The following CORO7 variants were observed in gnomAD, a reference collection of about 807,000 sequenced individuals.
CORO7 encodes coronin 7.
In CORO7, 107 loss-of-function variants were observed where a neutral mutation model predicts 126.6. That is an observed-to-expected ratio of 0.85 (90% CI 0.72 to 0.99). CORO7 has a LOEUF of 0.99. Among genes scored for constraint, CORO7 ranks in the 50% least tolerant of loss-of-function variants. The pLI, the probability that CORO7 is intolerant of heterozygous loss-of-function variation, is 0.00. For missense variants in CORO7, 1,314 were observed against 1,255.8 expected, an observed-to-expected ratio of 1.05 and a Z score of -0.70; for synonymous variants, 603 against 536.8, an observed-to-expected ratio of 1.12 and a Z score of -1.70.
At chr16:4,391,571 AAAC>A (rs1218496334) in intron 7 of CORO7, among the ~76,000 whole-genome samples, 1 of 152,084 alleles carries the variant, frequency 6.6e-6, no homozygotes, top group Admixed American at 6.5e-5. Flanking sequence ...ACAAACAAAC[AAAC>A]AACCCAACTA....
chr16:4,399,155 G>C (rs1279196880), intron 6 of CORO7, among the ~76,000 whole-genome samples: 1 of 152,144 alleles, frequency 6.6e-6, no homozygotes, highest in Non-Finnish European at 1.5e-5. Flanking sequence ...CAAAAGAACT[G>C]AAAGCAGGCC....
intron 3 of CORO7, 121 bp downstream of exon 3, chr16:4,412,234 AC>A (rs993505201): frequency 9.6e-7 from 1 of 1,041,002 alleles, no homozygotes; most frequent in African/African-American, 1.6e-5. Context: ...GAGTGCACAG[AC>A]AGGGCGACAG....
At chr16:4,414,174 G>C (rs1438645262) in intron 1 of CORO7, 1 of 141,276 alleles carries the variant, frequency 7.1e-6, no homozygotes, top group African/African-American at 2.6e-5. Context: ...CTGGGCAACA[G>C]AGCGAGACTC....
chr16:4,401,330 G>A (rs557486522), intron 6 of CORO7, among the ~76,000 whole-genome samples: 27 of 152,230 alleles, frequency 1.8e-4, no homozygotes, highest in African/African-American at 2.7e-4. Context: ...GTGGGCACAC[G>A]CATGGCTGGC....
chr16:4,394,393 G>T (rs112808159), intron 7 of CORO7, among the ~76,000 whole-genome samples: 1 of 150,790 alleles, frequency 6.6e-6, no homozygotes, highest in African/African-American at 2.4e-5. Context: ...AACTTGCAGT[G>T]AGCCGAGATC....
At chr16:4,374,057 G>A (rs1475740259) in intron 9 of CORO7, among the ~76,000 whole-genome samples, 5 of 152,126 alleles carry the variant, frequency 3.3e-5, no homozygotes, top group Non-Finnish European at 7.4e-5. Flanking sequence ...TGGAATTTGC[G>A]TGAGTTCTTG....
At position 4,362,211 on chromosome 16, in the gene CORO7, C is replaced by T. The variant is rs763679058; in HGVS notation, c.1403-51G>A. 68 of 1,559,216 alleles carry T rather than the reference C, an allele frequency of 4.4e-5. No homozygotes were observed. Among genetic ancestry groups the T allele is most frequent in the African/African-American group, 1.6e-4 (12 of 73,218 alleles). The stretch of plus-strand genomic sequence containing the variant: ...CACGTGTGAGGATGCCGTCCCCGCC[C>T]GCCCTGCACTCTTTGAGTCCCGGCT... On this transcript the variant is annotated intron_variant, in intron 15 of 27. Coordinates refer to ENST00000251166, the MANE Select transcript of CORO7 (RefSeq NM_024535.5). The surrounding 1 kb of genome is among the most constrained non-coding windows in gnomAD (Gnocchi z 5.3).
Position 4,388,532 on chromosome 16 carries a change from A to G in CORO7, c.702+13T>C. ...CCTGGCCGTGCCCTGCTCCTCCAGG[A>G]GGAACCCCCTACCTGGTTGAATCCA... On this transcript the variant is annotated intron_variant, in intron 8 of 27. Transcript: ENST00000251166. The G allele has an allele frequency of 1.2e-6, 2 of 1,610,188 alleles. No homozygotes were observed. Among genetic ancestry groups the G allele is most frequent in the Non-Finnish European group, 1.7e-6 (2 of 1,178,840 alleles).
intron 9 of CORO7, 164 bp downstream of exon 9, chr16:4,387,822 G>T: frequency 1.2e-6 from 1 of 817,202 alleles, no homozygotes; most frequent in Non-Finnish European, 1.9e-6. Flanking sequence ...GAAGCTCCGG[G>T]GGTACAGGGC....
At chr16:4,407,714 G>A (rs767003398) in intron 4 of CORO7, 30 bp from the exon 5 acceptor site, 2 of 1,537,520 alleles carry the variant, frequency 1.3e-6, no homozygotes, top group African/African-American at 2.8e-5. Flanking sequence ...CGTGAGCACA[G>A]GGCTGAGGGC....
At chr16:4,392,934 G>T (rs1210749553) in intron 7 of CORO7, among the ~76,000 whole-genome samples, 1 of 152,208 alleles carries the variant, frequency 6.6e-6, no homozygotes, top group African/African-American at 2.4e-5. Context: ...AAGCCCCGCA[G>T]GGGGGCTCCC....
intron 6 of CORO7, among the ~76,000 whole-genome samples, chr16:4,400,396 G>A (rs1048847356): frequency 5.9e-5 from 9 of 152,308 alleles, no homozygotes; most frequent in African/African-American, 2.2e-4. Flanking sequence ...CACTTTGGGA[G>A]GCCGAGGTGG....
intron 2 of CORO7, chr16:4,412,696 G>T: frequency 2.0e-6 from 1 of 493,920 alleles, no homozygotes; most frequent in Non-Finnish European, 3.6e-6. Context: ...AAAGGGGCGT[G>T]GGGCTTTCGT....
chr16:4,416,132 A>T (rs1312192418), intron 1 of CORO7, among the ~76,000 whole-genome samples: 2 of 151,934 alleles, frequency 1.3e-5, no homozygotes, highest in Non-Finnish European at 2.9e-5. Context: ...GGCCGACCGG[A>T]AGCTGGGAAG....
chr16:4,381,465 G>T (rs565386785), intron 9 of CORO7: 51 of 1,579,158 alleles, frequency 3.2e-5, no homozygotes, highest in Non-Finnish European at 4.1e-5. Context: ...ACGTGGAGGC[G>T]CTGCGGCTGG....
chr16:4,364,911 C>G lies in CORO7; in HGVS notation c.908G>C (p.Cys303Ser). 1.9e-6 allele frequency: 3 copies of G among 1,610,348 alleles called. No individual in the cohort carries two copies. The highest frequency in any genetic ancestry group is 2.5e-6 in the Non-Finnish European group (3 of 1,178,854). The change falls in exon 12 of 28, where the codon TGT becomes TCT. Residue 303 changes from cysteine to serine, a missense_variant. Transcript: ENST00000251166. ...CCCACGCAGCACGCTCTCCAGGACA[C>G]ACTGGGTCACTGTTGAGGACACCAT... ...QQPALSPVTQ[C>S]VLESVLRGAA...
At chr16:4,355,470 T>A in intron 26 of CORO7, 98 bp from the exon 27 acceptor site, 10 of 845,696 alleles carry the variant, frequency 1.2e-5, no homozygotes, top group Non-Finnish European at 1.6e-5. Context: ...GAAAAGAACT[T>A]TTTTTTTTTT....
intron 10 of CORO7, 96 bp downstream of exon 10, chr16:4,365,395 C>T (rs1469887874): frequency 1.3e-6 from 2 of 1,510,714 alleles, no homozygotes; most frequent in Admixed American, 2.1e-5. Flanking sequence ...GGGGAAGACA[C>T]AGAGGCCCTG....
At chr16:4,398,100 C>T (rs1430907855) in intron 6 of CORO7, among the ~76,000 whole-genome samples, 1 of 151,194 alleles carries the variant, frequency 6.6e-6, no homozygotes, top group East Asian at 2.0e-4. Flanking sequence ...ATATTTCTTT[C>T]GTAGAGATGA....
Sources: gnomAD v4.1 joint callset for allele counts (sites outside exome capture counted in the v4.1 genomes callset) on GRCh38, gnomAD v4.1.1 for gene constraint, Gnocchi (gnomAD v3.1) non-coding constraint, MANE v1.5 for transcripts, NCBI Gene and HGNC (gene_info 2026-07-23, HGNC 2026-07-21) for gene names.